UTP14A: variants seen among roughly 807,000 people sequenced by gnomAD.
UTP14A encodes the protein UTP14A small subunit processome component.
Under a neutral mutation model 57.2 loss-of-function variants are expected in UTP14A, and 5 were observed. The ratio of observed to expected loss-of-function variants is 0.09; its 90% CI spans 0.05 to 0.18. The LOEUF is 0.18. Ranked by LOEUF, UTP14A falls within the 10% of genes least tolerant of loss-of-function variation. The pLI is 1.00. For synonymous variants in UTP14A, 169 were observed against 210.9 expected, an observed-to-expected ratio of 0.80 and a Z score of 1.72; for missense variants, 430 against 562.1, an observed-to-expected ratio of 0.76 and a Z score of 2.38.
intron 6 of UTP14A, among the ~76,000 whole-genome samples, chrX:129,918,387 C>G (rs1268088954): frequency 1.2e-5 from 1 of 84,836 alleles, no homozygotes; most frequent in Non-Finnish European, 2.2e-5. Context: ...AAGACTCTGT[C>G]TCAGAAAACA....
rs1030127773 is a variant in UTP14A, at chrX:129,908,594, G to A, written c.174-76G>A. 1.3e-4 allele frequency: 122 copies of A among 945,990 alleles called. 1 individual carries two copies. The highest frequency in any genetic ancestry group is 9.7e-4 in the South Asian group (49 of 50,684). The allele number at this position is 945,990 out of a possible 1,213,427, so 78.0% of individuals were successfully genotyped here. A position where few individuals can be genotyped will look rare whatever the true frequency, so the allele number is the denominator to read the frequency against. On this transcript the variant is annotated intron_variant, in intron 3 of 14. Coordinates refer to ENST00000394422, the MANE Select transcript of UTP14A (RefSeq NM_006649.4). ...GAAACCAAAGCCCTGTTTGAAGAGA[G>A]AAGTGTTTGTCTCTCCCAACCCCAA...
intron 4 of UTP14A, among the ~76,000 whole-genome samples, chrX:129,909,594 C>T (rs190449652): frequency 9.0e-6 from 1 of 111,598 alleles, no homozygotes; most frequent in African/African-American, 3.3e-5. Context: ...GTTTGTTGGA[C>T]AGAGTTGAGC....
chrX:129,924,437 C>T (rs1358056831), intron 11 of UTP14A, among the ~76,000 whole-genome samples: 1 of 109,451 alleles, frequency 9.1e-6, no homozygotes, highest in African/African-American at 3.3e-5. Context: ...AGGCACATGC[C>T]ACCATGCCCA....
intron 14 of UTP14A, among the ~76,000 whole-genome samples, chrX:129,927,237 A>C (rs1930138892): frequency 9.0e-6 from 1 of 110,789 alleles, no homozygotes; most frequent in Non-Finnish European, 1.9e-5. Context: ...CCTGATTTTC[A>C]TCTTTTTAAT....
At chrX:129,913,152 A>T (rs762352994) in intron 6 of UTP14A, among the ~76,000 whole-genome samples, 7 of 111,931 alleles carry the variant, frequency 6.3e-5, no homozygotes, top group Non-Finnish European at 1.1e-4. Context: ...AAAACCCAAG[A>T]ATGGTAGTTT....
intron 6 of UTP14A, among the ~76,000 whole-genome samples, chrX:129,913,102 A>C (rs1929542046): frequency 8.9e-6 from 1 of 111,894 alleles, no homozygotes; most frequent in African/African-American, 3.2e-5. Context: ...GATTAGTCTT[A>C]AATAGATGCC....
At chrX:129,923,587 C>T (rs1929990210) in intron 11 of UTP14A, among the ~76,000 whole-genome samples, 1 of 111,707 alleles carries the variant, frequency 9.0e-6, no homozygotes, top group Non-Finnish European at 1.9e-5. Context: ...CCCCTCCAGA[C>T]TCTTGAGACT....
chrX:129,906,260 G>A (rs1369383982), intron 1 of UTP14A, 24 bp downstream of exon 1: 4 of 1,195,943 alleles, frequency 3.3e-6, no homozygotes, highest in Non-Finnish European at 4.5e-6. Flanking sequence ...AGGGGAGGGG[G>A]GATTCTGGGT....
At chrX:129,913,239 G>T (rs755533325) in intron 6 of UTP14A, 3 of 263,473 alleles carry the variant, frequency 1.1e-5, no homozygotes, top group African/African-American at 8.6e-5. Context: ...GAAATTGAGC[G>T]AGTAGTTGCT....
At position 129,925,902 on chromosome X, in the gene UTP14A, C is replaced by T. The variant is rs114055352; in HGVS notation, c.1750-17C>T. 8 of 1,208,060 alleles carry T rather than the reference C, an allele frequency of 6.6e-6. No homozygotes were observed. The highest frequency in any genetic ancestry group is 3.5e-5 in the South Asian group (2 of 56,440). ...AGCTCATAAGCCAAGCTGTAGCTCT[C>T]GCTTGTTTCTTCCCAGGAAGATGAA... is the stretch of plus-strand genomic sequence containing the variant. On this transcript the variant is annotated splice_polypyrimidine_tract_variant and intron_variant, in intron 12 of 14. Coordinates refer to ENST00000394422, the MANE Select transcript of UTP14A (RefSeq NM_006649.4).
chrX:129,928,671 G>A lies in UTP14A; in HGVS notation c.2044-665G>A, dbSNP rs1181853974. On this transcript the variant is annotated intron_variant, in intron 14 of 14. Transcript: ENST00000394422. Reference sequence around the variant, plus strand: ...CGGGAGGCTGAGGCAGGAGAATGGCGTGAACCCAGGAGGCAGAGCTTGCAG... The same window carrying A: ...CGGGAGGCTGAGGCAGGAGAATGGCATGAACCCAGGAGGCAGAGCTTGCAG... 8.1e-5 allele frequency among the ~76,000 whole-genome samples: 9 copies of A among 110,748 alleles called. No homozygotes were observed. In the South Asian group the frequency reaches 1.1e-3, roughly 14 times the overall value.
At chrX:129,917,747 GT>G (rs1929743280) in intron 6 of UTP14A, among the ~76,000 whole-genome samples, 1 of 110,725 alleles carries the variant, frequency 9.0e-6, no homozygotes, top group Non-Finnish European at 1.9e-5. Flanking sequence ...GCCCAGGCTG[GT>G]CTCAAACTTG....
In UTP14A at chrX:129,926,111, C is replaced by T. The variant is rs746068647; in HGVS notation, c.1942C>T (p.Arg648Trp). 7.8e-5 allele frequency: 94 copies of T among 1,208,866 alleles called. No individual in the cohort carries two copies. Among genetic ancestry groups the T allele is most frequent in the Non-Finnish European group, 9.8e-5 (88 of 894,614 alleles). The part of the protein sequence containing the change: ...GLKPSAKKRR[R>W]FLIKAPEGPP... Reference sequence around the variant, plus strand: ...AAAGCCCAGTGCCAAGAAAAGACGCCGGTAAGAATGCCGAAGAAAGTCTGT... The same window carrying T: ...AAAGCCCAGTGCCAAGAAAAGACGCTGGTAAGAATGCCGAAGAAAGTCTGT... The change falls in exon 13 of 15, where the codon CGG becomes TGG. Residue 648 changes from arginine (R) to tryptophan (W), a missense_variant and splice_region_variant. By Grantham distance (101) the Arg-to-Trp change is moderately radical. Transcript: ENST00000394422.
At chrX:129,912,397 C>T (rs903635431) in intron 6 of UTP14A, among the ~76,000 whole-genome samples, 2 of 109,720 alleles carry the variant, frequency 1.8e-5, no homozygotes, top group South Asian at 3.8e-4. Flanking sequence ...TTTGTGATTA[C>T]GGGCATGAGC....
chrX:129,921,413 G>C lies in UTP14A; in HGVS notation c.1174G>C (p.Asp392His). 1 of 1,211,810 alleles carries C rather than the reference G, an allele frequency of 8.3e-7. No homozygotes were observed. Among genetic ancestry groups the C allele is most frequent in the East Asian group, 3.0e-5 (1 of 33,869 alleles). ...SDTKEAATQE[D>H]PEQLPELEAH... ...CACCAAAGAGGCTGCAACCCAGGAG[G>C]ACCCTGAGCAACTGCCAGAGCTTGA... is the stretch of plus-strand genomic sequence containing the variant. Residue 392 changes from aspartate (D) to histidine (H), a missense_variant, in exon 11 of 15, where the codon GAC (aspartate) becomes CAC (histidine). By Grantham distance (81) the Asp-to-His change is moderately conservative. This residue lies in a region of UTP14A where 83 missense variants were observed against 140.4 expected (regional missense o/e 0.59). Coordinates refer to ENST00000394422, the MANE Select transcript of UTP14A (RefSeq NM_006649.4).
At chrX:129,908,346 G>C (rs751264780) in intron 3 of UTP14A, 20 of 420,093 alleles carry the variant, frequency 4.8e-5, no homozygotes, top group Non-Finnish European at 7.8e-5. Flanking sequence ...AAAGCATTGA[G>C]TAGGCATTAT....
chrX:129,921,535 A>G lies in UTP14A; in HGVS notation c.1296A>G (p.Lys432=). 8.3e-7 allele frequency: 1 copy of G among 1,211,733 alleles called. No individual in the cohort carries two copies. The highest frequency in any genetic ancestry group is 1.1e-6 in the Non-Finnish European group (1 of 895,550). Residue 432 remains lysine (K), a synonymous_variant, in exon 11 of 15, where the codon AAA becomes AAG. Transcript: ENST00000394422. ...TTGAGGAAAGGCGATCCCTTAGAAAAAGATCTGAGCTCAGCCAAGATGCTG... is the reference window on the plus strand; with the variant it reads ...TTGAGGAAAGGCGATCCCTTAGAAAGAGATCTGAGCTCAGCCAAGATGCTG... The part of the protein sequence containing the change: ...REFEERRSLR[K]RSELSQDAEP...
In UTP14A at chrX:129,929,491, A is replaced by G. The variant is rs1453953451; in HGVS notation, c.2199A>G (p.Lys733=). 8.3e-7 allele frequency: 1 copy of G among 1,209,875 alleles called. No homozygotes were observed. The highest frequency in any genetic ancestry group is 3.0e-5 in the East Asian group (1 of 33,790). ...TKPGHIINPI[K]AEDVGYRSSS... ...CAGGCCATATCATTAACCCCATAAA[A>G]GCAGAAGACGTGGGCTACCGGTCTT... The change falls in exon 15 of 15, where the codon AAA becomes AAG. Residue 733 remains lysine, a synonymous_variant. Transcript: ENST00000394422.
chrX:129,908,762 G>T (rs776212861), intron 4 of UTP14A, 28 bp downstream of exon 4: 3 of 1,187,530 alleles, frequency 2.5e-6, no homozygotes, highest in Admixed American at 4.4e-5. Context: ...AGATACCCAT[G>T]CATGAAACCT....
Sources: gnomAD v4.1 joint callset for allele counts (sites outside exome capture counted in the v4.1 genomes callset) on GRCh38, gnomAD v4.1.1 for gene constraint, gnomAD v4.1.1 regional missense constraint, MANE v1.5 for transcripts, NCBI Gene and HGNC (gene_info 2026-07-23, HGNC 2026-07-21) for gene names.